SLC6A2: variants seen among roughly 807,000 people sequenced by gnomAD.
SLC6A2 encodes the protein sodium-dependent noradrenaline transporter.
Under a neutral mutation model 71.7 loss-of-function variants are expected in SLC6A2, and 26 were observed. The ratio of observed to expected loss-of-function variants is 0.36; its 90% CI spans 0.27 to 0.50. SLC6A2 has a LOEUF of 0.50. Ranked by LOEUF, SLC6A2 falls within the 20% of genes least tolerant of loss-of-function variation. The pLI, the probability that SLC6A2 is intolerant of heterozygous loss-of-function variation, is 0.96. For synonymous variants in SLC6A2, 363 were observed against 337.9 expected, an observed-to-expected ratio of 1.07 and a Z score of -0.82; for missense variants, 581 against 803.9, an observed-to-expected ratio of 0.72 and a Z score of 3.35.
At chr16:55,676,772 T>A (rs141429584) in intron 4 of SLC6A2, among the ~76,000 whole-genome samples, 2 of 152,210 alleles carry the variant, frequency 1.3e-5, no homozygotes, top group Non-Finnish European at 2.9e-5. Flanking sequence ...TAAGATTATT[T>A]TTATGAATGG....
At chr16:55,666,382 C>T (rs1343105253) in intron 2 of SLC6A2, among the ~76,000 whole-genome samples, 1 of 152,208 alleles carries the variant, frequency 6.6e-6, no homozygotes, top group East Asian at 1.9e-4. Flanking sequence ...CTTCACTCAT[C>T]CCTGGAGCTC....
At chr16:55,677,298 C>T (rs917834555) in intron 4 of SLC6A2, among the ~76,000 whole-genome samples, 15 of 150,918 alleles carry the variant, frequency 9.9e-5, no homozygotes, top group Non-Finnish European at 1.0e-4. Context: ...AGAGTGCTGC[C>T]GACACATGTG....
At position 55,702,529 on chromosome 16, in the gene SLC6A2, T is replaced by C; in HGVS notation, c.*183T>C. On this transcript the variant is annotated 3_prime_UTR_variant, in exon 15 of 15. Transcript: ENST00000568943. ...AGTTTTTGTTCACCTTCTGTGCATC[T>C]GGCCTGGGGGCTGTTAGCTCAGAGG... 2 of 1,504,894 alleles carry C rather than the reference T, an allele frequency of 1.3e-6. No individual in the cohort carries two copies. The highest frequency in any genetic ancestry group is 1.8e-6 in the Non-Finnish European group (2 of 1,124,198). The allele number at this position is 1,504,894 out of a possible 1,614,324, so 93.2% of individuals were successfully genotyped here.
chr16:55,662,083 C>A (rs1964625650), intron 2 of SLC6A2, among the ~76,000 whole-genome samples: 1 of 152,182 alleles, frequency 6.6e-6, no homozygotes, highest in Admixed American at 6.5e-5. Context: ...GTCTGTACAT[C>A]CCTTGGCAGA....
chr16:55,694,021 T>C lies in SLC6A2; in HGVS notation c.930T>C (p.Asp310=), dbSNP rs760956074. Residue 310 remains aspartate, a synonymous_variant, in exon 7 of 15, where the codon GAT becomes GAC. Transcript: ENST00000568943. ...YRLKEATVWI[D]AATQIFFSLG... ...TCTGCTGGTTTCAGGTATGGATTGA[T>C]GCCGCAACTCAGATATTTTTTTCCT... 1.2e-6 allele frequency: 2 copies of C among 1,612,118 alleles called. No homozygotes were observed. Among genetic ancestry groups the C allele is most frequent in the Non-Finnish European group, 8.5e-7 (1 of 1,178,086 alleles).
chr16:55,675,136 G>A (rs1055199342), intron 4 of SLC6A2, among the ~76,000 whole-genome samples: 1 of 152,132 alleles, frequency 6.6e-6, no homozygotes, highest in Non-Finnish European at 1.5e-5. Context: ...ATGTCCTTGA[G>A]GAGGGCGATG....
chr16:55,691,952 T>C lies in SLC6A2; in HGVS notation c.818T>C (p.Val273Ala). 1 of 1,613,988 alleles carries C rather than the reference T, an allele frequency of 6.2e-7. No homozygotes were observed. The highest frequency in any genetic ancestry group is 1.7e-5 in the Admixed American group (1 of 60,006). Residue 273 changes from valine to alanine, a missense_variant, in exon 6 of 15, where the codon GTG (valine) becomes GCG (alanine). Physicochemically the swap from Val to Ala is moderately conservative, Grantham distance 64. Around this residue, in one of 5 missense-constraint regions of SLC6A2, gnomAD observed 334 missense variants for 449.0 expected, o/e 0.74. Transcript: ENST00000568943. ...VWITATLPYF[V>A]LFVLLVHGVT... The stretch of plus-strand genomic sequence containing the variant: ...ATCACAGCCACGCTGCCTTACTTCG[T>C]GCTGTTCGTGCTCCTGGTCCATGGC...
rs1966051188 is a variant in SLC6A2, at chr16:55,704,120, G to A, written c.*1774G>A. ...GTGACTTTATATCCTCCCATAAAAGGTAACTTCTTCCTAGGTGTTACCATT... is the reference window on the plus strand; with the variant it reads ...GTGACTTTATATCCTCCCATAAAAGATAACTTCTTCCTAGGTGTTACCATT... On this transcript the variant is annotated 3_prime_UTR_variant, in exon 15 of 15. Coordinates refer to ENST00000568943, the MANE Select transcript of SLC6A2 (RefSeq NM_001172501.3). 3 of 152,168 alleles carry A rather than the reference G, an allele frequency of 2.0e-5. No homozygotes were observed. Among genetic ancestry groups the A allele is most frequent in the Non-Finnish European group, 1.5e-5 (1 of 68,046 alleles). 9.4% of individuals were successfully genotyped at this position (152,168 alleles called of 1,614,324 possible).
At chr16:55,659,964 G>A (rs1964565977) in intron 2 of SLC6A2, among the ~76,000 whole-genome samples, 2 of 146,962 alleles carry the variant, frequency 1.4e-5, no homozygotes, top group African/African-American at 2.5e-5. Context: ...CATGGATTGT[G>A]GCCTTAGGAA....
In SLC6A2 at chr16:55,703,245, G is replaced by A; in HGVS notation, c.*899G>A. 1 of 985,548 alleles carries A rather than the reference G, an allele frequency of 1.0e-6. No individual in the cohort carries two copies. Among genetic ancestry groups the A allele is most frequent in the Admixed American group, 6.1e-5 (1 of 16,294 alleles). 61.1% of individuals were successfully genotyped at this position (985,548 alleles called of 1,614,324 possible). On this transcript the variant is annotated 3_prime_UTR_variant, in exon 15 of 15. Coordinates refer to ENST00000568943, the MANE Select transcript of SLC6A2 (RefSeq NM_001172501.3). Reference sequence around the variant, plus strand: ...GGGGAAACGGGGGCAGGGACCAAGTGAGGCCTCATGTGTGTCTTCACCGTG... The same window carrying A: ...GGGGAAACGGGGGCAGGGACCAAGTAAGGCCTCATGTGTGTCTTCACCGTG...
At chr16:55,671,911 C>T (rs535816787) in intron 3 of SLC6A2, 27 bp from the exon 4 acceptor site, 32 of 1,613,872 alleles carry the variant, frequency 2.0e-5, no homozygotes, top group Non-Finnish European at 2.6e-5. Flanking sequence ...CTGGGAGACT[C>T]CTACCTTACC....
chr16:55,676,431 A>G (rs1162880091), intron 4 of SLC6A2, among the ~76,000 whole-genome samples: 1 of 152,200 alleles, frequency 6.6e-6, no homozygotes, highest in Non-Finnish European at 1.5e-5. Context: ...TTGAGACAAT[A>G]CAGTCCACAA....
chr16:55,685,982 C>A (rs1382395761), intron 5 of SLC6A2, among the ~76,000 whole-genome samples: 2 of 152,170 alleles, frequency 1.3e-5, no homozygotes, highest in African/African-American at 4.8e-5. Context: ...ACAACAACCC[C>A]ATTTGGACTC....
chr16:55,693,658 C>T (rs1965707123), intron 6 of SLC6A2, among the ~76,000 whole-genome samples: 1 of 152,238 alleles, frequency 6.6e-6, no homozygotes, highest in Non-Finnish European at 1.5e-5. Flanking sequence ...TCCGTAACTC[C>T]TAAGATGGCC....
At position 55,686,994 on chromosome 16, in the gene SLC6A2, G is replaced by T. The variant is rs552191656; in HGVS notation, c.783+1713G>T. On this transcript the variant is annotated intron_variant, in intron 5 of 14. Transcript: ENST00000568943. ...AGGAGACCTACTGTGTACCAGGCTTGATGCTAATACTAGTGATGCAAGAAT... is the reference window on the plus strand; with the variant it reads ...AGGAGACCTACTGTGTACCAGGCTTTATGCTAATACTAGTGATGCAAGAAT... Among the ~76,000 whole-genome samples the T allele has an allele frequency of 5.9e-5, 9 of 152,186 alleles. No individual in the cohort carries two copies. In the South Asian group the frequency reaches 1.5e-3, roughly 25 times the overall value.
chr16:55,675,233 G>A (rs544186348), intron 4 of SLC6A2, among the ~76,000 whole-genome samples: 12 of 152,200 alleles, frequency 7.9e-5, no homozygotes, highest in South Asian at 2.1e-4. Context: ...TCCCTCAGGC[G>A]TGGGTCAATT....
intron 9 of SLC6A2, 102 bp from the exon 10 acceptor site, chr16:55,697,795 C>T: frequency 7.9e-7 from 1 of 1,263,096 alleles, no homozygotes. Flanking sequence ...AGGCAGCCTA[C>T]ATGAGTCCTG....
At position 55,696,277 on chromosome 16, in the gene SLC6A2, A is replaced by T; in HGVS notation, c.1200A>T (p.Gly400=). ...LYPEAISTLS[G]STFWAVVFFV... is the part of the protein sequence containing the mutation. Reference sequence around the variant, plus strand: ...CAGAGGCCATTTCTACCCTGTCTGGATCTACATTCTGGGCTGTTGTGTTTT... The same window carrying T: ...CAGAGGCCATTTCTACCCTGTCTGGTTCTACATTCTGGGCTGTTGTGTTTT... The change falls in exon 9 of 15, where the codon GGA becomes GGT. Residue 400 remains glycine, a synonymous_variant. Transcript: ENST00000568943. The T allele has an allele frequency of 6.2e-7, 1 of 1,613,796 alleles. No homozygotes were observed.
intron 4 of SLC6A2, among the ~76,000 whole-genome samples, chr16:55,684,878 T>G (rs1318001032): frequency 6.6e-6 from 1 of 152,158 alleles, no homozygotes; most frequent in African/African-American, 2.4e-5. Context: ...ACTTAAGAGA[T>G]TTTTGTCTTT....
Sources: gnomAD v4.1 joint callset for allele counts (sites outside exome capture counted in the v4.1 genomes callset) on GRCh38, gnomAD v4.1.1 for gene constraint, gnomAD v4.1.1 regional missense constraint, MANE v1.5 for transcripts, NCBI Gene and HGNC (gene_info 2026-07-23, HGNC 2026-07-21) for gene names.